LARP1: variants seen among roughly 807,000 people sequenced by gnomAD.
The protein encoded by LARP1 is la-related protein 1.
In LARP1, 36 loss-of-function variants were observed where a neutral mutation model predicts 122.7. The ratio of observed to expected loss-of-function variants is 0.29; its 90% CI spans 0.22 to 0.39. The LOEUF is 0.39. Among genes scored for constraint, LARP1 ranks in the 10% least tolerant of loss-of-function variants. The probability of loss-of-function intolerance (pLI) is 1.00; values close to 1 mark genes in which losing one functional copy is unlikely to be tolerated. For synonymous variants in LARP1, 539 were observed against 528.7 expected (o/e 1.02, Z -0.27); for missense variants, 1,040 against 1,403.6 (o/e 0.74, Z 4.14).
upstream of LARP1, among the ~76,000 whole-genome samples, chr5:154,754,419 T>A (rs1023727766): frequency 6.6e-6 from 1 of 152,280 alleles, no homozygotes; most frequent in Middle Eastern, 3.4e-3. Context: ...AAGCTGGAAG[T>A]CACTGCTGCA....
In LARP1 at chr5:154,774,935, C is replaced by T. The variant is rs186082946; in HGVS notation, c.437-15390C>T. Among the ~76,000 whole-genome samples, 34 of 152,190 alleles carry T rather than the reference C, an allele frequency of 2.2e-4. No homozygotes were observed. In the East Asian group the frequency reaches 5.0e-3, roughly 22 times the overall value. Reference sequence around the variant, plus strand: ...GGCTTTGTTTCCTTGAGGAAAGAAACAGTTGAAACTCAGTAATTTCAGGGA... The same window carrying T: ...GGCTTTGTTTCCTTGAGGAAAGAAATAGTTGAAACTCAGTAATTTCAGGGA... On this transcript the variant is annotated intron_variant, in intron 1 of 18. Coordinates refer to ENST00000518297, the MANE Select transcript of LARP1 (RefSeq NM_033551.3).
chr5:154,813,102 GGTTA>G (rs1759423953), intron 18 of LARP1, among the ~76,000 whole-genome samples: 1 of 151,466 alleles, frequency 6.6e-6, no homozygotes, highest in Non-Finnish European at 1.5e-5. Context: ...GGACTTATTA[GGTTA>G]ACTGAGGTTC....
intron 8 of LARP1, among the ~76,000 whole-genome samples, chr5:154,796,042 TA>T (rs1757779071): frequency 2.0e-5 from 2 of 100,944 alleles, no homozygotes; most frequent in African/African-American, 7.8e-5. Flanking sequence ...TTATATATAT[TA>T]TATATTTATA....
chr5:154,695,270 T>C (rs1582150562), intron 1 of LARP1, among the ~76,000 whole-genome samples: 1 of 151,386 alleles, frequency 6.6e-6, no homozygotes, highest in East Asian at 2.0e-4. Flanking sequence ...AGAGATCGCC[T>C]CACTGCACTC....
In LARP1 at chr5:154,755,922, A is replaced by G; in HGVS notation, c.165A>G (p.Arg55=). The part of the protein sequence containing the change: ...RGGEPDGSAR[R]PRPPCAKPHK... ...GGGAGCCGGACGGCAGCGCTCGGAG[A>G]CCCCGGCCGCCCTGCGCCAAGCCGC... is the stretch of plus-strand genomic sequence containing the variant. Residue 55 remains arginine (R), a synonymous_variant, in exon 1 of 19, where the codon AGA becomes AGG. Coordinates refer to ENST00000518297, the MANE Select transcript of LARP1 (RefSeq NM_033551.3). 1 of 1,002,876 alleles carries G rather than the reference A, an allele frequency of 1.0e-6. No homozygotes were observed. The highest frequency in any genetic ancestry group is 1.2e-6 in the Non-Finnish European group (1 of 840,972). The allele number at this position is 1,002,876 out of a possible 1,614,324, so 62.1% of individuals were successfully genotyped here.
intron 17 of LARP1, 59 bp downstream of exon 17, chr5:154,811,415 T>C (rs1475345524): frequency 3.7e-6 from 6 of 1,605,876 alleles, no homozygotes; most frequent in Non-Finnish European, 5.1e-6. Flanking sequence ...TCTTCCCCAG[T>C]TGGACCTGGG....
intron 1 of LARP1, among the ~76,000 whole-genome samples, chr5:154,690,022 C>T (rs892812162): frequency 6.6e-6 from 1 of 152,044 alleles, no homozygotes; most frequent in Non-Finnish European, 1.5e-5. Context: ...GGCTGGGTGA[C>T]AGAGCCAGAC....
chr5:154,711,703 A>C (rs1755233254), upstream of LARP1, among the ~76,000 whole-genome samples: 1 of 152,238 alleles, frequency 6.6e-6, no homozygotes, highest in East Asian at 1.9e-4. Flanking sequence ...GGAATAAATA[A>C]GGAATAGATA....
intron 14 of LARP1, chr5:154,805,073 C>CTT (rs1304978432): frequency 8.7e-6 from 3 of 343,272 alleles, no homozygotes; most frequent in Non-Finnish European, 1.7e-5. Flanking sequence ...ATACTGTATT[C>CTT]TTACAATAAG....
intron 1 of LARP1, among the ~76,000 whole-genome samples, chr5:154,772,108 A>G (rs1755484313): frequency 1.3e-5 from 2 of 152,336 alleles, no homozygotes; most frequent in Middle Eastern, 3.4e-3. Flanking sequence ...ACACATATAA[A>G]TATAATAAGC....
rs866230739 is a variant in LARP1, at chr5:154,757,610, G to A, written c.436+1417G>A. 4.3e-4 allele frequency among the ~76,000 whole-genome samples: 66 copies of A among 152,200 alleles called. No homozygotes were observed. The Middle Eastern group carries it at 0.014, about 31-fold the overall frequency. Reference sequence around the variant, plus strand: ...GGTTTAAACCATCAAAAATAAAGGGGGAGCTTAATGTCTTCACCGTCAAAG... The same window carrying A: ...GGTTTAAACCATCAAAAATAAAGGGAGAGCTTAATGTCTTCACCGTCAAAG... On this transcript the variant is annotated intron_variant, in intron 1 of 18. Coordinates refer to ENST00000518297, the MANE Select transcript of LARP1 (RefSeq NM_033551.3).
intron 1 of LARP1, among the ~76,000 whole-genome samples, chr5:154,700,872 G>A (rs1007504465): frequency 2.6e-5 from 4 of 152,050 alleles, no homozygotes; most frequent in Non-Finnish European, 1.5e-5. Flanking sequence ...CAGGAGAATC[G>A]CTTGAACCCA....
chr5:154,756,351 T>TC (rs1034183114), intron 1 of LARP1, 158 bp downstream of exon 1: 28 of 934,266 alleles, frequency 3.0e-5, no homozygotes, highest in Middle Eastern at 5.4e-4. Flanking sequence ...CGCCGCGCCC[T>TC]CCCCCCCACC....
chr5:154,767,269 A>G (rs543366594), intron 1 of LARP1, among the ~76,000 whole-genome samples: 2 of 152,280 alleles, frequency 1.3e-5, no homozygotes, highest in East Asian at 1.9e-4. Flanking sequence ...AAAATACTCA[A>G]CTGGAGCCTG....
At chr5:154,699,307 C>A (rs553930333) in intron 1 of LARP1, among the ~76,000 whole-genome samples, 2 of 152,240 alleles carry the variant, frequency 1.3e-5, no homozygotes, top group African/African-American at 4.8e-5. Flanking sequence ...AATAAAGATT[C>A]TTGGGCCCCA....
intron 3 of LARP1, chr5:154,792,080 A>G (rs1757394726): frequency 2.3e-6 from 1 of 428,688 alleles, no homozygotes; most frequent in Non-Finnish European, 4.9e-6. Context: ...GTGAAGTAGG[A>G]GAGTGGTCAT....
chr5:154,809,756 G>C (rs1441866697), intron 16 of LARP1, among the ~76,000 whole-genome samples: 1 of 145,444 alleles, frequency 6.9e-6, no homozygotes, highest in Non-Finnish European at 1.5e-5. Flanking sequence ...CTGGAGTGCA[G>C]TGGTGCGATC....
intron 1 of LARP1, among the ~76,000 whole-genome samples, chr5:154,727,141 A>G (rs1156344): frequency 0.99 from 150,392 of 152,284 alleles, 74,272 homozygotes; most frequent in East Asian, 1. Context: ...AGTCCCATAG[A>G]AAGAGAGGGA....
chr5:154,768,655 C>A (rs1755149516), intron 1 of LARP1, among the ~76,000 whole-genome samples: 1 of 152,310 alleles, frequency 6.6e-6, no homozygotes, highest in Admixed American at 6.5e-5. Context: ...GATCTTGGCT[C>A]ACTGCAACCT....
Sources: allele counts gnomAD v4.1 joint callset (sites outside exome capture counted in the v4.1 genomes callset), GRCh38; gene constraint gnomAD v4.1.1; transcripts MANE v1.5; gene names NCBI Gene and HGNC (gene_info 2026-07-23, HGNC 2026-07-21).